CSMD3: variants seen among roughly 807,000 people sequenced by gnomAD.
CSMD3 encodes the protein CUB and sushi domain-containing protein 3.
In CSMD3, 177 loss-of-function variants were observed where a neutral mutation model predicts 435.2. The ratio of observed to expected loss-of-function variants is 0.41; its 90% CI spans 0.36 to 0.46. The LOEUF is 0.46. Ranked by LOEUF, CSMD3 falls within the 20% of genes least tolerant of loss-of-function variation. CSMD3 has a pLI of 0.34. For missense variants in CSMD3, 4,265 were observed against 4,504.6 expected (o/e 0.95, Z 1.52); for synonymous variants, 1,656 against 1,520.5 (o/e 1.09, Z -2.07).
chr8:113,079,845 G>A (rs901306175), intron 5 of CSMD3, among the ~76,000 whole-genome samples: 2 of 152,132 alleles, frequency 1.3e-5, no homozygotes. Flanking sequence ...TCCTGTTTAA[G>A]TGCACTGTTG....
intron 10 of CSMD3, among the ~76,000 whole-genome samples, chr8:112,919,670 G>GT (rs759977475): frequency 2.6e-5 from 4 of 151,786 alleles, no homozygotes; most frequent in African/African-American, 4.8e-5. Context: ...AAGCCATGAT[G>GT]TTCACTATAT....
intron 3 of CSMD3, among the ~76,000 whole-genome samples, chr8:113,246,917 G>T (rs2093281864): frequency 6.6e-6 from 1 of 152,178 alleles, no homozygotes; most frequent in South Asian, 2.1e-4. Context: ...GTTTGTTTGT[G>T]TGCTGGGATA....
At chr8:112,244,712 C>A in intron 64 of CSMD3, 139 bp from the exon 65 acceptor site, 1 of 651,618 alleles carries the variant, frequency 1.5e-6, no homozygotes, top group Non-Finnish European at 2.6e-6. Flanking sequence ...TAATAAATCA[C>A]AAAAATGTTT....
intron 59 of CSMD3, among the ~76,000 whole-genome samples, chr8:112,277,357 C>T (rs956620547): frequency 7.9e-5 from 12 of 152,150 alleles, no homozygotes; most frequent in African/African-American, 2.7e-4. Flanking sequence ...TTTACTAAAA[C>T]GTAGCAAGAG....
chr8:112,432,062 C>T (rs565658345), intron 32 of CSMD3, among the ~76,000 whole-genome samples: 134 of 152,018 alleles, frequency 8.8e-4, no homozygotes, highest in African/African-American at 3.1e-3. Flanking sequence ...ATTACACAAT[C>T]CCACTGAATC....
chr8:113,001,044 C>A (rs559597565), intron 6 of CSMD3, among the ~76,000 whole-genome samples: 1 of 152,082 alleles, frequency 6.6e-6, no homozygotes, highest in Non-Finnish European at 1.5e-5. Flanking sequence ...TAGCAACATT[C>A]AATCCTGTCA....
At position 112,682,317 on chromosome 8, in the gene CSMD3, T is replaced by C. The variant is rs1052199725; in HGVS notation, c.2677+125A>G. On this transcript the variant is annotated intron_variant, in intron 16 of 70. Coordinates refer to ENST00000297405, the MANE Select transcript of CSMD3 (RefSeq NM_198123.2). The stretch of plus-strand genomic sequence containing the variant: ...TTTCCTTAACAAGATATGTTTAATA[T>C]AGAATATCAAGAAATGTTTTAAGAT... The C allele has an allele frequency of 1.5e-5, 12 of 819,248 alleles. 1 individual carries two copies. The highest frequency in any genetic ancestry group is 8.5e-5 in the South Asian group (6 of 70,358). The allele number at this position is 819,248 out of a possible 1,614,324, so 50.7% of individuals were successfully genotyped here. A position where few individuals can be genotyped will look rare whatever the true frequency, so the allele number is the denominator to read the frequency against.
intron 23 of CSMD3, among the ~76,000 whole-genome samples, chr8:112,581,366 T>C (rs2131331080): frequency 6.6e-6 from 1 of 152,182 alleles, no homozygotes; most frequent in Admixed American, 6.6e-5. Flanking sequence ...TTAGAATAAA[T>C]TTGTGTAATG....
chr8:112,250,675 CTT>C (rs1171655066), intron 63 of CSMD3, among the ~76,000 whole-genome samples: 3 of 151,468 alleles, frequency 2.0e-5, no homozygotes, highest in Non-Finnish European at 4.4e-5. Context: ...GGAAAAATAA[CTT>C]ATGTACAATT....
At chr8:113,341,968 G>C (rs1189245521) in intron 1 of CSMD3, among the ~76,000 whole-genome samples, 9 of 151,522 alleles carry the variant, frequency 5.9e-5, no homozygotes. Context: ...TCTTTGTATT[G>C]ATTTGTCCAT....
At chr8:112,279,399 C>T (rs1412680315) in intron 59 of CSMD3, among the ~76,000 whole-genome samples, 1 of 152,116 alleles carries the variant, frequency 6.6e-6, no homozygotes, top group Non-Finnish European at 1.5e-5. Flanking sequence ...GTTGCTTTGC[C>T]TAAATTCCTT....
chr8:113,077,394 T>C (rs1398173956), intron 5 of CSMD3, among the ~76,000 whole-genome samples: 1 of 152,024 alleles, frequency 6.6e-6, no homozygotes, highest in Non-Finnish European at 1.5e-5. Flanking sequence ...AAAACCATTA[T>C]GCTAGCAAAT....
rs1586931489 is a variant in CSMD3 at position 112,380,582 on chromosome 8, A to G, written c.6032-126T>C. 3 of 638,272 alleles carry G rather than the reference A, an allele frequency of 4.7e-6. No individual in the cohort carries two copies. The East Asian group carries it at 8.5e-5, about 18-fold the overall frequency. 39.5% of individuals were successfully genotyped at this position (638,272 alleles called of 1,614,324 possible). On this transcript the variant is annotated intron_variant, in intron 37 of 70. Transcript: ENST00000297405. ...ATGCATTATTCAAGTTGTTTTTCAA[A>G]AAAAATTTAATAGAAATATTTTTCT...
At chr8:113,415,188 A>C (rs1349135343) in intron 1 of CSMD3, among the ~76,000 whole-genome samples, 1 of 152,192 alleles carries the variant, frequency 6.6e-6, no homozygotes, top group Non-Finnish European at 1.5e-5. Context: ...AGGTAGAAAT[A>C]AAATGTTACC....
intron 2 of CSMD3, among the ~76,000 whole-genome samples, chr8:113,296,032 C>A (rs2093718625): frequency 6.6e-6 from 1 of 151,908 alleles, no homozygotes; most frequent in East Asian, 1.9e-4. Flanking sequence ...TCATTCTCAG[C>A]AAACTATCGC....
chr8:113,020,189 AAAG>A (rs1429644266), intron 5 of CSMD3, among the ~76,000 whole-genome samples: 5 of 150,622 alleles, frequency 3.3e-5, no homozygotes, highest in African/African-American at 7.3e-5. Flanking sequence ...AAAAAAAAAA[AAAG>A]AATATATAAT....
intron 35 of CSMD3, among the ~76,000 whole-genome samples, chr8:112,399,484 T>C (rs767342492): frequency 2.6e-5 from 4 of 152,114 alleles, no homozygotes; most frequent in Non-Finnish European, 5.9e-5. Context: ...TTCGAACTCC[T>C]GACCTTGTGA....
At chr8:113,341,516 C>T (rs917444415) in intron 1 of CSMD3, among the ~76,000 whole-genome samples, 1 of 152,048 alleles carries the variant, frequency 6.6e-6, no homozygotes, top group African/African-American at 2.4e-5. Context: ...ATTTGTCTAA[C>T]AGTATTTCAA....
chr8:113,126,392 A>G (rs113197756), intron 4 of CSMD3, among the ~76,000 whole-genome samples: 17 of 152,074 alleles, frequency 1.1e-4, no homozygotes, highest in African/African-American at 4.1e-4. Flanking sequence ...TACATATATC[A>G]AAAAATATAT....
Sources: gnomAD v4.1 joint callset for allele counts (sites outside exome capture counted in the v4.1 genomes callset) on GRCh38, gnomAD v4.1.1 for gene constraint, MANE v1.5 for transcripts, NCBI Gene and HGNC (gene_info 2026-07-23, HGNC 2026-07-21) for gene names.